Variants in LYST observed in about 807,000 individuals in gnomAD.
LYST encodes the protein lysosomal-trafficking regulator.
Under a neutral mutation model 413.6 loss-of-function variants are expected in LYST, and 192 were observed. The ratio of observed to expected loss-of-function variants is 0.46; its 90% confidence interval spans 0.41 to 0.52. The LOEUF is 0.52. Among genes scored for constraint, LYST ranks in the 20% least tolerant of loss-of-function variants. The pLI is 0.00. For missense variants in LYST, 3,815 were observed against 4,499.9 expected (o/e 0.85, Z 4.35); for synonymous variants, 1,525 against 1,567.3 (o/e 0.97, Z 0.64).
chr1:235,677,269 C>G, intron 49 of LYST, 81 bp from the exon 50 acceptor site: 1 of 1,182,604 alleles, frequency 8.5e-7, no homozygotes, highest in Non-Finnish European at 1.3e-6. Flanking sequence ...TCTTCTCAGT[C>G]TATGTACCTA....
At position 235,752,012 on chromosome 1, in the gene LYST, C is replaced by T. The variant is rs778786354; in HGVS notation, c.7620G>A (p.Arg2540=). ...ATAAAAATTAAATCTTACTTTGTGT[C>T]CTCTTGTTTTTGCTATTTTGAAGAT... is the stretch of plus-strand genomic sequence containing the variant. ...LGYLQNSKNK[R]TQNMAVALQL... Residue 2540 remains arginine (R), a synonymous_variant, in exon 27 of 53, where the codon AGG becomes AGA. Coordinates refer to ENST00000389793, the MANE Select transcript of LYST (RefSeq NM_000081.4). 3.1e-6 allele frequency: 5 copies of T among 1,607,174 alleles called. No homozygotes were observed. The highest frequency in any genetic ancestry group is 2.2e-5 in the East Asian group (1 of 44,678).
In LYST at chr1:235,662,927, A is replaced by G. The variant is rs770106698; in HGVS notation, c.*13T>C. 7.1e-7 allele frequency: 1 copy of G among 1,410,942 alleles called. No individual in the cohort carries two copies. Among genetic ancestry groups the G allele is most frequent in the Non-Finnish European group, 1.0e-6 (1 of 994,152 alleles). The allele number at this position is 1,410,942 out of a possible 1,614,324, so 87.4% of individuals were successfully genotyped here. Reference sequence around the variant, plus strand: ...AGTTAAAGTGCTTTGGAGAACGTGAAGTTCATTCGCATTCACCCGGCTGCA... The same window carrying G: ...AGTTAAAGTGCTTTGGAGAACGTGAGGTTCATTCGCATTCACCCGGCTGCA... On this transcript the variant is annotated 3_prime_UTR_variant, in exon 53 of 53. Transcript: ENST00000389793.
Position 235,775,075 on chromosome 1 carries a change from G to A in LYST, c.5472C>T (p.Leu1824=), listed in dbSNP as rs1340220272. 11 of 1,610,178 alleles carry A rather than the reference G, an allele frequency of 6.8e-6. No homozygotes were observed. In the African/African-American group the frequency reaches 1.3e-4, roughly 20 times the overall value. The change falls in exon 18 of 53, where the codon CTC becomes CTT. Residue 1824 remains leucine (L), a synonymous_variant. Coordinates refer to ENST00000389793, the MANE Select transcript of LYST (RefSeq NM_000081.4). ...ATGCTTGAGTTTCTTCACAGCTACT[G>A]AGTTCAACAACCTAAAAAAAAAAAT... ...FVFLFARVVE[L]SSCEETQALA...
intron 50 of LYST, among the ~76,000 whole-genome samples, chr1:235,665,489 G>A: frequency 6.6e-6 from 1 of 151,798 alleles, no homozygotes; most frequent in Non-Finnish European, 1.5e-5. Flanking sequence ...GCGGGCGCCT[G>A]TAGTTCCAGC....
intron 31 of LYST, chr1:235,738,076 T>C: frequency 1.9e-6 from 3 of 1,600,782 alleles, no homozygotes; most frequent in South Asian, 2.2e-5. Flanking sequence ...ATTACAGTTG[T>C]TGGGGTTGGT....
rs528461918 is a variant in LYST, at chr1:235,793,812, C to A, written c.4007-200G>T. On this transcript the variant is annotated intron_variant, in intron 10 of 52. Coordinates refer to ENST00000389793, the MANE Select transcript of LYST (RefSeq NM_000081.4). ...AACCAACCAACAAAAACAACAAAAA[C>A]CACTTTTCTTTTTATTATTTTTATT... Among the ~76,000 whole-genome samples, 3 of 151,838 alleles carry A rather than the reference C, an allele frequency of 2.0e-5. No homozygotes were observed. In the East Asian group the frequency reaches 5.8e-4, roughly 29 times the overall value.
At chr1:235,682,794 A>AT (rs1553264633) in intron 48 of LYST, among the ~76,000 whole-genome samples, 1 of 152,136 alleles carries the variant, frequency 6.6e-6, no homozygotes, top group Non-Finnish European at 1.5e-5. Context: ...GTTCTATTTT[A>AT]TTTTTTTCCA....
At chr1:235,798,576 C>CTTAAAAAAAAAA (rs1558261064) in intron 10 of LYST, among the ~76,000 whole-genome samples, 1 of 24,528 alleles carries the variant, frequency 4.1e-5, no homozygotes, top group African/African-American at 1.4e-4. Context: ...AAAACCCTGT[C>CTTAAAAAAAAAA]ATAAAAAAAA....
chr1:235,726,855 A>C (rs1663923757), intron 38 of LYST, among the ~76,000 whole-genome samples: 1 of 152,164 alleles, frequency 6.6e-6, no homozygotes, highest in South Asian at 2.1e-4. Context: ...ATTGAGTAGA[A>C]TTTTTAAGGG....
intron 3 of LYST, among the ~76,000 whole-genome samples, chr1:235,824,633 T>C (rs1489021459): frequency 6.6e-6 from 1 of 152,214 alleles, no homozygotes; most frequent in Non-Finnish European, 1.5e-5. Context: ...TTTTTGATAT[T>C]TAAAAAGAGT....
At position 235,662,280 on chromosome 1, in the gene LYST, T is replaced by C. The variant is rs1016562619; in HGVS notation, c.*660A>G. On this transcript the variant is annotated 3_prime_UTR_variant, in exon 53 of 53. Coordinates refer to ENST00000389793, the MANE Select transcript of LYST (RefSeq NM_000081.4). ...CTGAAATCCAAGATACCTGTATTCT[T>C]GTTTGTGGCTGTCAAAAAAATTCTG... 6.5e-6 allele frequency: 1 copy of C among 153,038 alleles called. No homozygotes were observed. The highest frequency in any genetic ancestry group is 1.5e-5 in the Non-Finnish European group (1 of 68,678). The allele number at this position is 153,038 out of a possible 1,614,324, so 9.5% of individuals were successfully genotyped here.
intron 50 of LYST, among the ~76,000 whole-genome samples, chr1:235,675,390 G>A (rs746017828): frequency 6.6e-6 from 1 of 152,180 alleles, no homozygotes; most frequent in Non-Finnish European, 1.5e-5. Context: ...AGCCAATGGC[G>A]AGAGGATACA....
At chr1:235,878,350 G>A (rs1005163097) in intron 1 of LYST, among the ~76,000 whole-genome samples, 2 of 152,168 alleles carry the variant, frequency 1.3e-5, no homozygotes, top group Non-Finnish European at 2.9e-5. Flanking sequence ...TGTGCAAGCT[G>A]CCATTGAACT....
At chr1:235,831,387 T>A (rs893412942) in intron 2 of LYST, among the ~76,000 whole-genome samples, 4 of 152,164 alleles carry the variant, frequency 2.6e-5, no homozygotes, top group African/African-American at 9.7e-5. Context: ...GGAACTGGAC[T>A]AATCAGGTTT....
chr1:235,815,015 G>A (rs1391860869), intron 3 of LYST, among the ~76,000 whole-genome samples: 1 of 152,094 alleles, frequency 6.6e-6, no homozygotes, highest in Non-Finnish European at 1.5e-5. Flanking sequence ...CTGCCAAACT[G>A]CAACTCATTC....
At chr1:235,798,579 A>AC in intron 10 of LYST, among the ~76,000 whole-genome samples, 1 of 32,828 alleles carries the variant, frequency 3.0e-5, no homozygotes, top group African/African-American at 2.2e-4. Flanking sequence ...ACCCTGTCAT[A>AC]AAAAAAAAAA....
intron 40 of LYST, among the ~76,000 whole-genome samples, chr1:235,718,892 A>T (rs921105219): frequency 6.6e-6 from 1 of 152,248 alleles, no homozygotes; most frequent in Non-Finnish European, 1.5e-5. Context: ...TTTAAAAAGT[A>T]TCACTATGAC....
At chr1:235,787,729 T>C (rs1051347535) in intron 13 of LYST, among the ~76,000 whole-genome samples, 9 of 152,142 alleles carry the variant, frequency 5.9e-5, no homozygotes, top group East Asian at 1.9e-4. Context: ...TTAATATAAA[T>C]GTCTAAGTAT....
chr1:235,843,103 C>T (rs1677401192), intron 1 of LYST, among the ~76,000 whole-genome samples: 1 of 152,138 alleles, frequency 6.6e-6, no homozygotes, highest in African/African-American at 2.4e-5. Context: ...AAATCTCAAG[C>T]TCAACAACAG....
Sources: gnomAD v4.1 joint callset for allele counts (sites outside exome capture counted in the v4.1 genomes callset) on GRCh38, gnomAD v4.1.1 for gene constraint, MANE v1.5 for transcripts, NCBI Gene and HGNC (gene_info 2026-07-23, HGNC 2026-07-21) for gene names.